HOXB9: variants seen among roughly 807,000 people sequenced by gnomAD.
HOXB9 encodes the protein homeobox B9.
In HOXB9, 10 loss-of-function variants were observed where a neutral mutation model predicts 21.5. The ratio of observed to expected loss-of-function variants is 0.47; its 90% CI spans 0.29 to 0.79. HOXB9 has a LOEUF of 0.79. Among genes scored for constraint, HOXB9 ranks in the 30% least tolerant of loss-of-function variants. The pLI is 0.10. For missense variants in HOXB9, 375 were observed against 338.7 expected (o/e 1.11, Z -0.84); for synonymous variants, 156 against 151.2 (o/e 1.03, Z -0.23).
rs753375001 is a variant in HOXB9, at chr17:48,623,097, G to A, written c.556C>T (p.Arg186Trp). 8.1e-6 allele frequency: 13 copies of A among 1,613,760 alleles called. No individual in the cohort carries two copies. Among genetic ancestry groups the A allele is most frequent in the Middle Eastern group, 1.6e-4 (1 of 6,078 alleles). The change falls in exon 2 of 2, where the codon CGG (arginine) becomes TGG (tryptophan). Residue 186 changes from arginine to tryptophan, a missense_variant. By Grantham distance (101) the Arg-to-Trp change is moderately radical (BLOSUM62 -3). Transcript: ENST00000311177. ...TTGGTGTAGGGACAGCGCTTTTTCC[G>A]GGAAGAGCGAGCGTGCAGCCAGTTG... The part of the protein sequence containing the change: ...SANWLHARSS[R>W]KKRCPYTKYQ...
chr17:48,623,329 A>G (rs1391140479), intron 1 of HOXB9, among the ~76,000 whole-genome samples, 194 bp from the exon 2 acceptor site: 1 of 152,200 alleles, frequency 6.6e-6, no homozygotes, highest in African/African-American at 2.4e-5. Context: ...GCTGTGTGGA[A>G]AGGATGGAGC....
rs190047131 is a variant in HOXB9, at chr17:48,626,011, C to A, written c.259G>T (p.Val87Phe). Residue 87 changes from valine to phenylalanine, a missense_variant, in exon 1 of 2, where the codon GTC becomes TTC. Transcript: ENST00000311177. ...AGGTACCTGCTCTCGGCCGGCGGGA[C>A]GCCCTGGGGCTGGATGTAAGGGTGG... ...VYHPYIQPQG[V>F]PPAESRYLRT... 2.2e-3 allele frequency: 3,507 copies of A among 1,565,482 alleles called. 8 individuals carry two copies. The highest frequency in any genetic ancestry group is 2.6e-3 in the Non-Finnish European group (3,034 of 1,162,870).
Position 48,622,927 on chromosome 17 carries a change from T to A in HOXB9, c.726A>T (p.Lys242Asn). 6.2e-7 allele frequency: 1 copy of A among 1,614,120 alleles called. No homozygotes were observed. The highest frequency in any genetic ancestry group is 1.1e-5 in the South Asian group (1 of 91,078). Residue 242 changes from lysine (K) to asparagine (N), a missense_variant, in exon 2 of 2, where the codon AAA (lysine) becomes AAT (asparagine). Lys to Asn is a moderately conservative substitution (Grantham distance 94). Transcript: ENST00000311177. ...ACTCTTTGCCCTGCTCCTTATTCAT[T>A]TTCTTCATTTTCATCCGCCGGTTCT... is the stretch of plus-strand genomic sequence containing the variant. The part of the protein sequence containing the change: ...WFQNRRMKMK[K>N]MNKEQGKE
In HOXB9 at chr17:48,626,000, G is replaced by A; in HGVS notation, c.270C>T (p.Ala90=). The A allele has an allele frequency of 6.4e-7, 1 of 1,560,598 alleles. No individual in the cohort carries two copies. Among genetic ancestry groups the A allele is most frequent in the Non-Finnish European group, 8.6e-7 (1 of 1,159,738 alleles). ...PYIQPQGVPP[A]ESRYLRTWLE... ...GCCAGGTGCGGAGGTACCTGCTCTC[G>A]GCCGGCGGGACGCCCTGGGGCTGGA... Residue 90 remains alanine (A), a synonymous_variant, in exon 1 of 2, where the codon GCC becomes GCT. Coordinates refer to ENST00000311177, the MANE Select transcript of HOXB9 (RefSeq NM_024017.5).
rs1181413550 is a variant in HOXB9 at position 48,625,956 on chromosome 17, C to T, written c.314G>A (p.Gly105Asp). The change falls in exon 1 of 2, where the codon GGC (glycine) becomes GAC (aspartate). Residue 105 changes from glycine (G) to aspartate (D), a missense_variant. By Grantham distance (94) the Gly-to-Asp change is moderately conservative (BLOSUM62 -1). Coordinates refer to ENST00000311177, the MANE Select transcript of HOXB9 (RefSeq NM_024017.5). ...LRTWLEPAPR[G>D]EAAPGQGQAA... is the part of the protein sequence containing the mutation. ...CTGGCCCTGCCCCGGGGCCGCTTCG[C>T]CGCGCGGCGCCGGCTCCAGCCAGGT... 6 of 1,486,202 alleles carry T rather than the reference C, an allele frequency of 4.0e-6. No homozygotes were observed. Among genetic ancestry groups the T allele is most frequent in the African/African-American group, 2.9e-5 (2 of 68,872 alleles). The allele number at this position is 1,486,202 out of a possible 1,614,324, so 92.1% of individuals were successfully genotyped here. A position where few individuals can be genotyped will look rare whatever the true frequency, so the allele number is the denominator to read the frequency against.
Position 48,625,083 on chromosome 17 carries a change from A to G in HOXB9, c.517+670T>C, listed in dbSNP as rs549336696. Among the ~76,000 whole-genome samples the G allele has an allele frequency of 1.4e-3, 219 of 152,296 alleles. 1 individual carries two copies. The highest frequency in any genetic ancestry group is 0.011 in the South Asian group (51 of 4,828). The stretch of plus-strand genomic sequence containing the variant: ...CGCCGAGGAGGAGAGGGGCCACCGG[A>G]GGGAAGGCTCCCGGGGAGGGGCCGG... On this transcript the variant is annotated intron_variant, in intron 1 of 1. Transcript: ENST00000311177.
In HOXB9 at chr17:48,625,811, G is replaced by A. The variant is rs202234908; in HGVS notation, c.459C>T (p.Pro153=). The A allele has an allele frequency of 2.5e-6, 4 of 1,609,010 alleles. No individual in the cohort carries two copies. The highest frequency in any genetic ancestry group is 2.3e-5 in the East Asian group (1 of 44,308). The change falls in exon 1 of 2, where the codon CCC becomes CCT. Residue 153 remains proline (P), a synonymous_variant. Transcript: ENST00000311177. ...GREAVLSNQR[P]GYGDNKICEG... is the part of the protein sequence containing the mutation. ...CGCAAATTTTATTGTCCCCGTAGCCGGGTCTTTGATTAGACAGCACGGCCT... is the reference window on the plus strand; with the variant it reads ...CGCAAATTTTATTGTCCCCGTAGCCAGGTCTTTGATTAGACAGCACGGCCT...
rs2070811869 is a variant in HOXB9, at chr17:48,625,996, T to A, written c.274A>T (p.Ser92Cys). The A allele has an allele frequency of 6.4e-7, 1 of 1,557,062 alleles. No individual in the cohort carries two copies. Among genetic ancestry groups the A allele is most frequent in the African/African-American group, 1.4e-5 (1 of 73,932 alleles). Reference sequence around the variant, plus strand: ...TCCAGCCAGGTGCGGAGGTACCTGCTCTCGGCCGGCGGGACGCCCTGGGGC... The same window carrying A: ...TCCAGCCAGGTGCGGAGGTACCTGCACTCGGCCGGCGGGACGCCCTGGGGC... ...IQPQGVPPAE[S>C]RYLRTWLEPA... Residue 92 changes from serine (S) to cysteine (C), a missense_variant, in exon 1 of 2, where the codon AGC becomes TGC. Ser to Cys is a moderately radical substitution (Grantham distance 112). Coordinates refer to ENST00000311177, the MANE Select transcript of HOXB9 (RefSeq NM_024017.5).
Position 48,622,532 on chromosome 17 carries a change from T to G in HOXB9, c.*368A>C, listed in dbSNP as rs186208263. On this transcript the variant is annotated 3_prime_UTR_variant, in exon 2 of 2. Coordinates refer to ENST00000311177, the MANE Select transcript of HOXB9 (RefSeq NM_024017.5). ...TAGAGTTGGAGTGTCCCTGGGTGAC[T>G]TTTGGGTGGGTGTAGAGAAGAAACA... 1 of 226,018 alleles carries G rather than the reference T, an allele frequency of 4.4e-6. No individual in the cohort carries two copies. Among genetic ancestry groups the G allele is most frequent in the Non-Finnish European group, 8.8e-6 (1 of 114,068 alleles). The allele number at this position is 226,018 out of a possible 1,614,324, so 14.0% of individuals were successfully genotyped here. A position where few individuals can be genotyped will look rare whatever the true frequency, so the allele number is the denominator to read the frequency against.
Position 48,625,831 on chromosome 17 carries a change from C to G in HOXB9, c.439G>C (p.Val147Leu). 1 of 1,611,216 alleles carries G rather than the reference C, an allele frequency of 6.2e-7. No homozygotes were observed. The highest frequency in any genetic ancestry group is 8.5e-7 in the Non-Finnish European group (1 of 1,178,984). The change falls in exon 1 of 2, where the codon GTG becomes CTG. Residue 147 changes from valine to leucine, a missense_variant. By Grantham distance (32) the Val-to-Leu change is conservative (BLOSUM62 1). Transcript: ENST00000311177. ...TAGCCGGGTCTTTGATTAGACAGCA[C>G]GGCCTCCCTGCCCGCCGAAGTTTCC... ...SLETSAGREA[V>L]LSNQRPGYGD...
chr17:48,621,860 G>C lies in HOXB9; in HGVS notation c.*1040C>G, dbSNP rs1453550482. ...CCTAGCGGGGAACGGAAGGTGGAGGGATTTTTCTACAAGGGGCGGCTTGAC... is the reference window on the plus strand; with the variant it reads ...CCTAGCGGGGAACGGAAGGTGGAGGCATTTTTCTACAAGGGGCGGCTTGAC... On this transcript the variant is annotated 3_prime_UTR_variant, in exon 2 of 2. Coordinates refer to ENST00000311177, the MANE Select transcript of HOXB9 (RefSeq NM_024017.5). 6.6e-6 allele frequency: 1 copy of C among 152,398 alleles called. No homozygotes were observed. The allele number at this position is 152,398 out of a possible 1,614,324, so 9.4% of individuals were successfully genotyped here.
chr17:48,626,123 C>T lies in HOXB9; in HGVS notation c.147G>A (p.Ser49=), dbSNP rs749644049. The change falls in exon 1 of 2, where the codon TCG becomes TCA. Residue 49 remains serine, a synonymous_variant. Transcript: ENST00000311177. ...CCGGCGCTTTGGGCTGGAAGCTGCACGAGGGGAACTCCAGGTGCTCCGCGT... is the reference window on the plus strand; with the variant it reads ...CCGGCGCTTTGGGCTGGAAGCTGCATGAGGGGAACTCCAGGTGCTCCGCGT... ...PGHAEHLEFP[S]CSFQPKAPVF... The T allele has an allele frequency of 4.4e-6, 7 of 1,587,164 alleles. No homozygotes were observed. Among genetic ancestry groups the T allele is most frequent in the Non-Finnish European group, 6.0e-6 (7 of 1,173,390 alleles).
Position 48,625,851 on chromosome 17 carries a change from GT to G in HOXB9, c.418del (p.Thr140LeufsTer61). 6.2e-7 allele frequency: 1 copy of G among 1,612,088 alleles called. No homozygotes were observed. Among genetic ancestry groups the G allele is most frequent in the Non-Finnish European group, 8.5e-7 (1 of 1,179,360 alleles). On this transcript the variant is annotated frameshift_variant, in exon 1 of 2. Coordinates refer to ENST00000311177, the MANE Select transcript of HOXB9 (RefSeq NM_024017.5). LOFTEE classifies it high-confidence loss of function. ...KQGTPEYSLE[T>X]SAGREAVLSN... ...CAGCACGGCCTCCCTGCCCGCCGAA[GT>G]TTCCAAACTGTACTCGGGCGTGCCC... is the stretch of plus-strand genomic sequence containing the variant.
In HOXB9 at chr17:48,625,902, C is replaced by A; in HGVS notation, c.368G>T (p.Gly123Val). 1.9e-6 allele frequency: 3 copies of A among 1,593,752 alleles called. No individual in the cohort carries two copies. The highest frequency in any genetic ancestry group is 2.6e-6 in the Non-Finnish European group (3 of 1,173,114). ...QAAVKAEPLL[G>V]APGELLKQGT... ...CTGTTTGAGCAGCTCCCCAGGCGCG[C>A]CCAGCAGCGGCTCCGCCTTCACCGC... The change falls in exon 1 of 2, where the codon GGC becomes GTC. Residue 123 changes from glycine to valine, a missense_variant. By Grantham distance (109) the Gly-to-Val change is moderately radical. Coordinates refer to ENST00000311177, the MANE Select transcript of HOXB9 (RefSeq NM_024017.5).
At chr17:48,623,203 T>A in intron 1 of HOXB9, 68 bp from the exon 2 acceptor site, 10 of 1,218,718 alleles carry the variant, frequency 8.2e-6, no homozygotes, top group Non-Finnish European at 1.2e-5. Context: ...AAGAGGGCAC[T>A]CCCTTGGTCT....
At chr17:48,624,948 G>A (rs188156937) in intron 1 of HOXB9, among the ~76,000 whole-genome samples, 3 of 152,220 alleles carry the variant, frequency 2.0e-5, no homozygotes, top group Admixed American at 2.0e-4. Context: ...CCCGATATTC[G>A]GAAGCGATTC....
At chr17:48,625,184 G>A (rs983253858) in intron 1 of HOXB9, among the ~76,000 whole-genome samples, 1 of 152,242 alleles carries the variant, frequency 6.6e-6, no homozygotes, top group African/African-American at 2.4e-5. Flanking sequence ...CGGACTCTGC[G>A]CGGCTACAGC....
intron 1 of HOXB9, 44 bp downstream of exon 1, chr17:48,625,709 T>C: frequency 1.4e-6 from 2 of 1,420,446 alleles, no homozygotes; most frequent in Admixed American, 2.7e-5. Context: ...CCCGCCCCCC[T>C]CCTGGCCTTC....
At chr17:48,623,236 G>A (rs2070786020) in intron 1 of HOXB9, 101 bp from the exon 2 acceptor site, 7 of 896,628 alleles carry the variant, frequency 7.8e-6, no homozygotes, top group Admixed American at 2.4e-5. Flanking sequence ...TTGCACTGGA[G>A]AAGAGGCCAC....
Sources: allele counts gnomAD v4.1 joint callset (sites outside exome capture counted in the v4.1 genomes callset), GRCh38; gene constraint gnomAD v4.1.1; transcripts MANE v1.5; gene names NCBI Gene and HGNC (gene_info 2026-07-23, HGNC 2026-07-21).